ARFGEF1: variants seen among roughly 807,000 people sequenced by gnomAD.
ARFGEF1 encodes the protein ARF guanine nucleotide exchange factor 1.
In ARFGEF1, 42 loss-of-function variants were observed where a neutral mutation model predicts 231.0. The observed-to-expected ratio is 0.18, with a 90% CI of 0.14 to 0.24. ARFGEF1 has a LOEUF of 0.24. Among genes scored for constraint, ARFGEF1 ranks in the 10% least tolerant of loss-of-function variants. The pLI is 1.00. For synonymous variants in ARFGEF1, 710 were observed against 732.3 expected, an observed-to-expected ratio of 0.97 and a Z score of 0.49; for missense variants, 1,345 against 2,192.0, an observed-to-expected ratio of 0.61 and a Z score of 7.72.
intron 5 of ARFGEF1, chr8:67,177,860 TG>T (rs2129569753): frequency 1.4e-6 from 1 of 723,802 alleles, no homozygotes; most frequent in East Asian, 2.5e-5. Context: ...ATCAGTAAAG[TG>T]GATAGCTTGA....
At chr8:67,210,498 C>G (rs1312897621) in intron 34 of ARFGEF1, among the ~76,000 whole-genome samples, 1 of 151,786 alleles carries the variant, frequency 6.6e-6, no homozygotes, top group Non-Finnish European at 1.5e-5. Flanking sequence ...AAAACAACAA[C>G]AAAAACAAGT....
In ARFGEF1 at chr8:67,288,000, T is replaced by G; in HGVS notation, c.982A>C (p.Ile328Leu). 1 of 1,608,554 alleles carries G rather than the reference T, an allele frequency of 6.2e-7. No individual in the cohort carries two copies. The highest frequency in any genetic ancestry group is 1.1e-5 in the South Asian group (1 of 89,560). Residue 328 changes from isoleucine to leucine, a missense_variant, in exon 7 of 39, where the codon ATT becomes CTT. By Grantham distance (5) the Ile-to-Leu change is conservative. Transcript: ENST00000262215. Reference sequence around the variant, plus strand: ...ATTTCTTCTACAATGTTCTGTACAATGTCTTGTGGCTTTTCCTCACAATCA... The same window carrying G: ...ATTTCTTCTACAATGTTCTGTACAAGGTCTTGTGGCTTTTCCTCACAATCA... ...NHDCEEKPQD[I>L]VQNIVEEMVN...
chr8:67,220,904 T>C (rs905915603), intron 29 of ARFGEF1, among the ~76,000 whole-genome samples: 5 of 151,580 alleles, frequency 3.3e-5, no homozygotes, highest in Admixed American at 6.6e-5. Context: ...TTTCTTTTTT[T>C]TTTTTTTTAA....
rs1326786900 is a variant in ARFGEF1 at position 67,227,162 on chromosome 8, T to A, written c.3891A>T (p.Ala1297=). The A allele has an allele frequency of 6.2e-7, 1 of 1,612,782 alleles. No homozygotes were observed. The highest frequency in any genetic ancestry group is 8.5e-7 in the Non-Finnish European group (1 of 1,179,146). ...SDQDESIVEL[A]FQTTGHIVTL... ...TGACAATGTGCCCGGTTGTTTGGAA[T>A]GCAAGTTCCACTATGCTTTCATCTT... The change falls in exon 27 of 39, where the codon GCA becomes GCT. Residue 1297 remains alanine, a synonymous_variant. Transcript: ENST00000262215.
chr8:67,246,714 C>T (rs553659415), intron 19 of ARFGEF1, among the ~76,000 whole-genome samples: 1 of 149,908 alleles, frequency 6.7e-6, no homozygotes, highest in East Asian at 1.9e-4. Flanking sequence ...AAAGCAAGAG[C>T]AAATCAAACC....
chr8:67,182,938 T>C (rs1181196504), intron 5 of ARFGEF1, among the ~76,000 whole-genome samples: 2 of 152,228 alleles, frequency 1.3e-5, no homozygotes, highest in Non-Finnish European at 2.9e-5. Context: ...GCCTTTTCAC[T>C]GTGTTGATTG....
At chr8:67,315,083 T>C (rs189176723) in intron 1 of ARFGEF1, among the ~76,000 whole-genome samples, 1 of 151,876 alleles carries the variant, frequency 6.6e-6, no homozygotes, top group Admixed American at 6.6e-5. Context: ...AGTAAACAGA[T>C]GGAAAAAGAT....
intron 2 of ARFGEF1, 61 bp downstream of exon 2, chr8:67,302,375 T>C: frequency 7.2e-7 from 1 of 1,389,672 alleles, no homozygotes; most frequent in Non-Finnish European, 9.8e-7. Context: ...GACTATATTA[T>C]TTTGACCAAG....
At chr8:67,271,225 C>T (rs1805085618) in intron 10 of ARFGEF1, among the ~76,000 whole-genome samples, 1 of 151,192 alleles carries the variant, frequency 6.6e-6, no homozygotes, top group African/African-American at 2.4e-5. Flanking sequence ...AAAAAAAGTA[C>T]AAAGCAAATA....
intron 3 of ARFGEF1, among the ~76,000 whole-genome samples, chr8:67,300,589 C>T (rs866620959): frequency 6.9e-6 from 1 of 145,336 alleles, no homozygotes; most frequent in Non-Finnish European, 1.5e-5. Flanking sequence ...GAGGCCAAGA[C>T]GGGCAGGCAG....
At chr8:67,311,209 T>G (rs1240712386) in intron 1 of ARFGEF1, among the ~76,000 whole-genome samples, 3,048 of 103,454 alleles carry the variant, frequency 0.029, 128 homozygotes, top group African/African-American at 0.1. Context: ...CCCCTCTGCC[T>G]GGCCAGCCGC....
At chr8:67,234,877 G>A (rs951303841) in intron 22 of ARFGEF1, among the ~76,000 whole-genome samples, 7 of 152,028 alleles carry the variant, frequency 4.6e-5, no homozygotes, top group African/African-American at 1.7e-4. Context: ...AAGTGACACA[G>A]TATTGGGGTG....
At chr8:67,193,450 T>C (rs1216327344), downstream of ARFGEF1, 1 of 1,606,806 alleles carries the variant, frequency 6.2e-7, no homozygotes, top group African/African-American at 1.3e-5. Context: ...TGAAGTTCTG[T>C]TTTCTAACTA....
chr8:67,283,297 C>T (rs896378963), intron 7 of ARFGEF1, among the ~76,000 whole-genome samples: 1 of 152,020 alleles, frequency 6.6e-6, no homozygotes, highest in Non-Finnish European at 1.5e-5. Flanking sequence ...GAATGTATAT[C>T]ACACCAATGT....
chr8:67,193,621 T>C, downstream of ARFGEF1: 1 of 1,604,324 alleles, frequency 6.2e-7, no homozygotes, highest in Non-Finnish European at 8.5e-7. Context: ...CCAAGTGTAA[T>C]GGCCTATAGT....
At chr8:67,202,704 G>A (rs145156735) in intron 36 of ARFGEF1, among the ~76,000 whole-genome samples, 128 of 152,266 alleles carry the variant, frequency 8.4e-4, no homozygotes, top group African/African-American at 3.0e-3. Flanking sequence ...GCCACTCCCA[G>A]TAAACAGAGA....
intron 38 of ARFGEF1, 152 bp from the exon 39 acceptor site, chr8:67,199,250 A>G: frequency 1.3e-6 from 1 of 783,672 alleles, no homozygotes. Context: ...ACTGAGAGAC[A>G]GAAGTGTTAG....
intron 7 of ARFGEF1, among the ~76,000 whole-genome samples, chr8:67,282,156 G>A (rs1805562559): frequency 6.6e-6 from 1 of 152,014 alleles, no homozygotes; most frequent in Non-Finnish European, 1.5e-5. Flanking sequence ...AAATTGAAGA[G>A]GGAGGCCTTG....
At chr8:67,275,180 GT>G (rs1475269157) in intron 9 of ARFGEF1, among the ~76,000 whole-genome samples, 1 of 151,796 alleles carries the variant, frequency 6.6e-6, no homozygotes, top group Non-Finnish European at 1.5e-5. Context: ...TAAAGTTATG[GT>G]CTGCTCCAAG....
Sources: gnomAD v4.1 joint callset for allele counts (sites outside exome capture counted in the v4.1 genomes callset) on GRCh38, gnomAD v4.1.1 for gene constraint, MANE v1.5 for transcripts, NCBI Gene and HGNC (gene_info 2026-07-23, HGNC 2026-07-21) for gene names.